Variants in SMPD3 observed in about 807,000 individuals in gnomAD.
SMPD3 encodes nSMase-2.
SMPD3 carries 21 observed loss-of-function variants against 55.7 expected under a neutral mutation model. The ratio of observed to expected loss-of-function variants is 0.38; its 90% CI spans 0.27 to 0.54. The LOEUF (loss-of-function observed/expected upper bound fraction) is 0.54, where lower values mean the gene tolerates loss of function less well. Ranked by LOEUF, SMPD3 falls within the 20% of genes least tolerant of loss-of-function variation. The pLI, the probability that SMPD3 is intolerant of heterozygous loss-of-function variation, is 0.80. For missense variants in SMPD3, 842 were observed against 899.6 expected (o/e 0.94, Z 0.82); for synonymous variants, 457 against 404.3 (o/e 1.13, Z -1.56).
At chr16:68,435,745 G>A (rs1194409620) in intron 1 of SMPD3, among the ~76,000 whole-genome samples, 1 of 152,246 alleles carries the variant, frequency 6.6e-6, no homozygotes, top group Non-Finnish European at 1.5e-5. Flanking sequence ...CTCGGACAAA[G>A]CTTTCCCAAC....
intron 1 of SMPD3, among the ~76,000 whole-genome samples, chr16:68,428,855 C>T (rs1475649281): frequency 6.6e-6 from 1 of 152,074 alleles, no homozygotes; most frequent in African/African-American, 2.4e-5. Flanking sequence ...TGCAGAGAGC[C>T]CAGAGGAGAC....
At chr16:68,385,497 A>T (rs918248507) in intron 2 of SMPD3, among the ~76,000 whole-genome samples, 1 of 151,892 alleles carries the variant, frequency 6.6e-6, no homozygotes, top group South Asian at 2.1e-4. Context: ...GAAAACTCCA[A>T]CGATCTTCTT....
intron 2 of SMPD3, among the ~76,000 whole-genome samples, chr16:68,383,225 G>A (rs1272287017): frequency 6.6e-6 from 1 of 152,180 alleles, no homozygotes; most frequent in Non-Finnish European, 1.5e-5. Context: ...CATCCCTTCT[G>A]CTCAGAGCAT....
chr16:68,402,918 T>G (rs1260279775), intron 1 of SMPD3, among the ~76,000 whole-genome samples: 3 of 152,212 alleles, frequency 2.0e-5, no homozygotes, highest in African/African-American at 7.2e-5. Context: ...TTGTTGGGCC[T>G]GAGATGTGCC....
intron 1 of SMPD3, among the ~76,000 whole-genome samples, chr16:68,396,132 T>C (rs1458229393): frequency 6.6e-6 from 1 of 152,170 alleles, no homozygotes; most frequent in Non-Finnish European, 1.5e-5. Flanking sequence ...TAGTCCCTAC[T>C]CCCAACCCCT....
chr16:68,436,925 ATAC>A (rs1277326877), intron 1 of SMPD3, among the ~76,000 whole-genome samples: 6 of 152,250 alleles, frequency 3.9e-5, no homozygotes, highest in Non-Finnish European at 8.8e-5. Context: ...CAGGTTCCAC[ATAC>A]CAGGTCTGCT....
intron 3 of SMPD3, among the ~76,000 whole-genome samples, chr16:68,366,782 G>A (rs1339094300): frequency 6.6e-6 from 1 of 152,112 alleles, no homozygotes; most frequent in African/African-American, 2.4e-5. Flanking sequence ...GGTTGAGGCA[G>A]GCAGATCACA....
intron 1 of SMPD3, among the ~76,000 whole-genome samples, chr16:68,419,657 GA>G (rs2090373289): frequency 1.3e-5 from 2 of 152,168 alleles, no homozygotes; most frequent in Non-Finnish European, 2.9e-5. Flanking sequence ...CCTTCCTATG[GA>G]AGATAGAGAG....
intron 1 of SMPD3, among the ~76,000 whole-genome samples, chr16:68,444,064 A>G (rs1294638714): frequency 3.3e-5 from 5 of 152,216 alleles, no homozygotes; most frequent in Non-Finnish European, 5.9e-5. Context: ...AATTCTTTAA[A>G]CAGGGATTGC....
intron 1 of SMPD3, among the ~76,000 whole-genome samples, chr16:68,416,040 C>T (rs2152021272): frequency 6.6e-6 from 1 of 152,334 alleles, no homozygotes; most frequent in South Asian, 2.1e-4. Context: ...CCGACAACAT[C>T]TGCGCTGCAA....
At chr16:68,387,725 A>G (rs1482156946) in intron 1 of SMPD3, among the ~76,000 whole-genome samples, 4 of 152,166 alleles carry the variant, frequency 2.6e-5, no homozygotes, top group Non-Finnish European at 5.9e-5. Flanking sequence ...GCCCGGCCCA[A>G]AGCCCTCTTA....
rs749434259 is a variant in SMPD3 at position 68,370,942 on chromosome 16, G to C, written c.1240C>G (p.Pro414Ala). ...NSGLLFASRY[P>A]IMDVAYHCYP... The stretch of plus-strand genomic sequence containing the variant: ...CAGTGATAGGCCACGTCCATGATGG[G>C]GTAGCGGCTGGCAAAGAGGAGGCCG... The change falls in exon 3 of 9, where the codon CCC becomes GCC. Residue 414 changes from proline to alanine, a missense_variant. Coordinates refer to ENST00000219334, the MANE Select transcript of SMPD3 (RefSeq NM_018667.4). 1.2e-6 allele frequency: 2 copies of C among 1,614,056 alleles called. No homozygotes were observed. Among genetic ancestry groups the C allele is most frequent in the Non-Finnish European group, 1.7e-6 (2 of 1,180,042 alleles).
intron 1 of SMPD3, among the ~76,000 whole-genome samples, chr16:68,429,886 C>T (rs1456065780): frequency 1.3e-5 from 2 of 152,082 alleles, no homozygotes; most frequent in Non-Finnish European, 2.9e-5. Context: ...CCCTGTTCTC[C>T]CTGAGACCAG....
chr16:68,388,603 A>G (rs1028772190), intron 1 of SMPD3, among the ~76,000 whole-genome samples: 27 of 151,288 alleles, frequency 1.8e-4, no homozygotes, highest in African/African-American at 5.4e-4. Context: ...ACATTTCCCA[A>G]ACTGTCCCCC....
At chr16:68,366,013 A>G (rs1269657683) in intron 3 of SMPD3, among the ~76,000 whole-genome samples, 1 of 151,992 alleles carries the variant, frequency 6.6e-6, no homozygotes, top group Non-Finnish European at 1.5e-5. Flanking sequence ...TGCCCCTGGG[A>G]TTCCTTCCCT....
At chr16:68,361,807 G>T in intron 7 of SMPD3, 48 bp from the exon 8 acceptor site, 1 of 1,595,068 alleles carries the variant, frequency 6.3e-7, no homozygotes. Flanking sequence ...CCGCCCCTGT[G>T]GGCCTGGCAG....
At chr16:68,381,948 A>G (rs963061510) in intron 2 of SMPD3, 1 of 152,194 alleles carries the variant, frequency 6.6e-6, no homozygotes, top group Non-Finnish European at 1.5e-5. Flanking sequence ...TCTCAAGGAT[A>G]ATGAAACAAT....
intron 1 of SMPD3, among the ~76,000 whole-genome samples, chr16:68,402,759 C>T (rs1041668370): frequency 2.6e-5 from 4 of 152,318 alleles, no homozygotes; most frequent in Admixed American, 6.5e-5. Context: ...TTCAAGGTGA[C>T]GGCAGGTCAG....
Position 68,446,561 on chromosome 16 carries a change from A to T in SMPD3, c.-269+1792T>A, listed in dbSNP as rs532355272. ...CTCTGGCCGTGCCACACACATGAAGACTGAAACACACATGGGTACATTCAT... is the reference window on the plus strand; with the variant it reads ...CTCTGGCCGTGCCACACACATGAAGTCTGAAACACACATGGGTACATTCAT... On this transcript the variant is annotated intron_variant, in intron 1 of 8. Transcript: ENST00000219334. Among the ~76,000 whole-genome samples the T allele has an allele frequency of 1.1e-4, 16 of 152,228 alleles. No homozygotes were observed. The South Asian group carries it at 3.3e-3, about 32-fold the overall frequency.
Sources: gnomAD v4.1 joint callset for allele counts (sites outside exome capture counted in the v4.1 genomes callset) on GRCh38, gnomAD v4.1.1 for gene constraint, MANE v1.5 for transcripts, NCBI Gene and HGNC (gene_info 2026-07-23, HGNC 2026-07-21) for gene names.